The following EVA1C variants were observed in gnomAD, a reference collection of about 807,000 sequenced individuals.
EVA1C encodes the protein eva-1 homolog C, also known as protein eva-1 homolog C.
A neutral mutation model predicts 45.4 loss-of-function variants in EVA1C; 25 were observed. The ratio of observed to expected loss-of-function variants is 0.55; its 90% CI spans 0.40 to 0.77. EVA1C has a LOEUF of 0.77. Among genes scored for constraint, EVA1C ranks in the 30% least tolerant of loss-of-function variants. The pLI, the probability that EVA1C is intolerant of heterozygous loss-of-function variation, is 0.00. For synonymous variants in EVA1C, 190 were observed against 221.2 expected (o/e 0.86, Z 1.25); for missense variants, 479 against 554.8 (o/e 0.86, Z 1.37).
Position 32,482,177 on chromosome 21 carries a change from C to T in EVA1C, c.635-12850C>T, listed in dbSNP as rs75225905. Among the ~76,000 whole-genome samples the T allele has an allele frequency of 6.1e-3, 934 of 152,242 alleles. 18 individuals are homozygous for T. Among genetic ancestry groups the T allele is most frequent in the Admixed American group, 0.036 (543 of 15,294 alleles). On this transcript the variant is annotated intron_variant, in intron 4 of 7. Transcript: ENST00000300255. The stretch of plus-strand genomic sequence containing the variant: ...GGCTTAGCAAGGTCACACTTTTTGC[C>T]GCTGCTCTGTTCTGCTGCCCACAGC...
intron 4 of EVA1C, among the ~76,000 whole-genome samples, chr21:32,468,816 C>T (rs2036273960): frequency 6.6e-6 from 1 of 152,176 alleles, no homozygotes; most frequent in Admixed American, 6.5e-5. Context: ...TTTGGCAACA[C>T]CCTCACAGAC....
intron 7 of EVA1C, among the ~76,000 whole-genome samples, chr21:32,512,192 G>A (rs1358904908): frequency 6.6e-6 from 1 of 152,108 alleles, no homozygotes; most frequent in African/African-American, 2.4e-5. Context: ...CACAGGTGTG[G>A]TCAAGGCCTC....
intron 1 of EVA1C, among the ~76,000 whole-genome samples, chr21:32,442,283 G>T (rs1334835690): frequency 1.3e-5 from 2 of 152,138 alleles, no homozygotes. Flanking sequence ...TAAGAAACAG[G>T]CTGGTGGCTC....
At chr21:32,501,260 GTA>G (rs2037519915) in intron 5 of EVA1C, among the ~76,000 whole-genome samples, 153 bp from the exon 6 acceptor site, 1 of 151,846 alleles carries the variant, frequency 6.6e-6, no homozygotes, top group African/African-American at 2.4e-5. Flanking sequence ...GGGTTTGTGT[GTA>G]TATGTGTGTA....
chr21:32,507,780 A>G (rs1601068719), intron 7 of EVA1C, among the ~76,000 whole-genome samples: 1 of 144,852 alleles, frequency 6.9e-6, no homozygotes, highest in Non-Finnish European at 1.5e-5. Flanking sequence ...ATGTATGTGT[A>G]TCTCTGTGCA....
chr21:32,501,379 A>G, intron 5 of EVA1C, 36 bp from the exon 6 acceptor site: 2 of 1,562,494 alleles, frequency 1.3e-6, no homozygotes, highest in East Asian at 2.2e-5. Flanking sequence ...TTAAAAATAT[A>G]CCACGAATTT....
At chr21:32,500,190 A>ATTTTTTTTTTTTTTTTTTTTTTTTTT (rs538897939) in intron 5 of EVA1C, among the ~76,000 whole-genome samples, 1 of 91,102 alleles carries the variant, frequency 1.1e-5, no homozygotes, top group Non-Finnish European at 2.0e-5. Flanking sequence ...TAACCACCCT[A>ATTTTTTTTTTTTTTTTTTTTTTTTTT]TTTTTTTTTT....
intron 5 of EVA1C, 115 bp from the exon 6 acceptor site, chr21:32,501,300 C>A: frequency 2.3e-6 from 2 of 854,144 alleles, no homozygotes; most frequent in Non-Finnish European, 3.6e-6. Context: ...GTGATTCTTG[C>A]ACTGATTTGG....
chr21:32,459,709 C>T (rs1448297397), intron 3 of EVA1C, among the ~76,000 whole-genome samples: 2 of 151,970 alleles, frequency 1.3e-5, no homozygotes, highest in East Asian at 3.9e-4. Flanking sequence ...GGCATAGTGG[C>T]GCATGCCTGT....
At chr21:32,440,094 T>G (rs2035118997) in intron 1 of EVA1C, among the ~76,000 whole-genome samples, 1 of 152,092 alleles carries the variant, frequency 6.6e-6, no homozygotes, top group Non-Finnish European at 1.5e-5. Flanking sequence ...GCTCTGTTGG[T>G]CCTTCCGATT....
chr21:32,413,279 A>G (rs2033902758), intron 1 of EVA1C, among the ~76,000 whole-genome samples: 1 of 152,250 alleles, frequency 6.6e-6, no homozygotes, highest in Admixed American at 6.5e-5. Context: ...TCCTAGCATT[A>G]GGGACCTGGT....
At chr21:32,495,388 T>C (rs2037317443) in intron 5 of EVA1C, among the ~76,000 whole-genome samples, 1 of 152,188 alleles carries the variant, frequency 6.6e-6, no homozygotes, top group Non-Finnish European at 1.5e-5. Flanking sequence ...TGGTCAAAAT[T>C]TGTGTAAAAG....
chr21:32,440,499 A>G (rs2035134752), intron 1 of EVA1C, among the ~76,000 whole-genome samples: 1 of 152,200 alleles, frequency 6.6e-6, no homozygotes, highest in Non-Finnish European at 1.5e-5. Context: ...GGCATGAAGA[A>G]GTTTCTACCA....
At chr21:32,445,736 CA>C (rs1402340373) in intron 1 of EVA1C, among the ~76,000 whole-genome samples, 1 of 152,132 alleles carries the variant, frequency 6.6e-6, no homozygotes, top group African/African-American at 2.4e-5. Context: ...CATCTGTATT[CA>C]AAAAATGAAA....
chr21:32,468,578 G>GT (rs1192352170), intron 4 of EVA1C, among the ~76,000 whole-genome samples: 1 of 151,962 alleles, frequency 6.6e-6, no homozygotes, highest in Non-Finnish European at 1.5e-5. Flanking sequence ...GCAAGCTGAG[G>GT]AGCAAGGAGA....
At chr21:32,500,612 G>A (rs142305670) in intron 5 of EVA1C, among the ~76,000 whole-genome samples, 3,380 of 152,016 alleles carry the variant, frequency 0.022, 55 homozygotes, top group South Asian at 0.079. Flanking sequence ...CCCATTTGCC[G>A]TCACTGCCCC....
chr21:32,473,399 T>C (rs978368167), intron 4 of EVA1C, among the ~76,000 whole-genome samples: 11 of 152,240 alleles, frequency 7.2e-5, no homozygotes, highest in Admixed American at 7.2e-4. Flanking sequence ...GCACTCGGCC[T>C]GTTCTCCCCA....
At chr21:32,445,933 G>A (rs1309303862) in intron 1 of EVA1C, among the ~76,000 whole-genome samples, 1 of 152,162 alleles carries the variant, frequency 6.6e-6, no homozygotes, top group Non-Finnish European at 1.5e-5. Flanking sequence ...CCTGAGCGAT[G>A]TGAAGCTGAT....
chr21:32,488,909 T>C (rs1336702466), intron 4 of EVA1C, among the ~76,000 whole-genome samples: 1 of 152,248 alleles, frequency 6.6e-6, no homozygotes, highest in Non-Finnish European at 1.5e-5. Context: ...ATGTCTTTCT[T>C]GGAGAAATGT....
Sources: allele counts gnomAD v4.1 joint callset (sites outside exome capture counted in the v4.1 genomes callset), GRCh38; gene constraint gnomAD v4.1.1; transcripts MANE v1.5; gene names NCBI Gene and HGNC (gene_info 2026-07-23, HGNC 2026-07-21).